The following HSPG2 variants were observed in gnomAD, a reference collection of about 807,000 sequenced individuals.
The protein encoded by HSPG2 is basement membrane-specific heparan sulfate proteoglycan core protein.
In HSPG2, 278 loss-of-function variants were observed where a neutral mutation model predicts 526.6. The observed-to-expected ratio is 0.53, with a 90% CI of 0.48 to 0.58. The LOEUF (loss-of-function observed/expected upper bound fraction) is 0.58. Ranked by LOEUF, HSPG2 falls within the 20% of genes least tolerant of loss-of-function variation. The pLI, the probability that HSPG2 is intolerant of heterozygous loss-of-function variation, is 0.00. For missense variants in HSPG2, 5,354 were observed against 6,099.5 expected (o/e 0.88, Z 4.07); for synonymous variants, 2,465 against 2,555.4 (o/e 0.96, Z 1.07).
At chr1:21,927,982 C>T (rs1172441327) in intron 1 of HSPG2, among the ~76,000 whole-genome samples, 3 of 152,208 alleles carry the variant, frequency 2.0e-5, no homozygotes, top group African/African-American at 2.4e-5. Flanking sequence ...TTAGCAGGAA[C>T]GAGACTTAGT....
chr1:21,855,977 C>T lies in HSPG2; in HGVS notation c.5576-65G>A, dbSNP rs577716295. ...AGTGTCGTCTGACTCACACAACAGTCCTGCTGCCTACTTTCTCTGCTTCCA... is the reference window on the plus strand; with the variant it reads ...AGTGTCGTCTGACTCACACAACAGTTCTGCTGCCTACTTTCTCTGCTTCCA... On this transcript the variant is annotated intron_variant, in intron 44 of 96. Coordinates refer to ENST00000374695, the MANE Select transcript of HSPG2 (RefSeq NM_005529.7). 30 of 1,585,478 alleles carry T rather than the reference C, an allele frequency of 1.9e-5. No individual in the cohort carries two copies. The African/African-American group carries it at 2.4e-4, about 13-fold the overall frequency.
chr1:21,908,118 G>C (rs1171368172), intron 1 of HSPG2: 1 of 815,686 alleles, frequency 1.2e-6, no homozygotes, highest in Non-Finnish European at 2.1e-6. Context: ...CAAAGGGAAA[G>C]AGGAGAGGCA....
Position 21,855,850 on chromosome 1 carries a change from C to G in HSPG2, c.5638G>C (p.Gly1880Arg). The G allele has an allele frequency of 6.2e-7, 1 of 1,612,996 alleles. No individual in the cohort carries two copies. Among genetic ancestry groups the G allele is most frequent in the Non-Finnish European group, 8.5e-7 (1 of 1,179,998 alleles). Reference sequence around the variant, plus strand: ...CTGCAGCGGAACTCCGCCAGTTGCCCGGGCTGCACTGTGAGCTGTGGCGGA... The same window carrying G: ...CTGCAGCGGAACTCCGCCAGTTGCCGGGGCTGCACTGTGAGCTGTGGCGGA... ...IHPPQLTVQP[G>R]QLAEFRCSAT... Residue 1880 changes from glycine (G) to arginine (R), a missense_variant, in exon 45 of 97, where the codon GGG becomes CGG. By Grantham distance (125) the Gly-to-Arg change is moderately radical (BLOSUM62 -2). Transcript: ENST00000374695.
chr1:21,834,928 T>A lies in HSPG2; in HGVS notation c.10471A>T (p.Ile3491Phe), dbSNP rs773889197. Reference protein sequence around the residue: ...LVIQALPSVLINIRTSVQTVV... With the variant: ...LVIQALPSVLFNIRTSVQTVV... ...GTCTGCACAGAGGTCCGGATGTTGA[T>A]GAGCACCGAGGGCAGGGCTGGGGAG... The change falls in exon 77 of 97, where the codon ATC (isoleucine) becomes TTC (phenylalanine). Residue 3491 changes from isoleucine to phenylalanine, a missense_variant. Ile to Phe is a conservative substitution (Grantham distance 21). Coordinates refer to ENST00000374695, the MANE Select transcript of HSPG2 (RefSeq NM_005529.7). 1.2e-6 allele frequency: 2 copies of A among 1,612,804 alleles called. No individual in the cohort carries two copies. Among genetic ancestry groups the A allele is most frequent in the East Asian group, 4.5e-5 (2 of 44,888 alleles).
rs760832004 is a variant in HSPG2, at chr1:21,824,605, C to T, written c.12676G>A (p.Val4226Met). Residue 4226 changes from valine (V) to methionine (M), a missense_variant, in exon 93 of 97, where the codon GTG (valine) becomes ATG (methionine). Transcript: ENST00000374695. This position sits in a 1 kb window ranked among gnomAD's most constrained non-coding sequence, Gnocchi z 5.9. Reference protein sequence around the residue: ...GHVFSRSLPEVPETIELEVRT... With the variant: ...GHVFSRSLPEMPETIELEVRT... ...ACCTCCAGCTCGATGGTCTCGGGCA[C>T]CTCGGGCAGGCTGCGGAGGAAGAGC... 5.3e-5 allele frequency: 85 copies of T among 1,613,970 alleles called. No individual in the cohort carries two copies. The highest frequency in any genetic ancestry group is 6.8e-5 in the Non-Finnish European group (80 of 1,180,054).
intron 1 of HSPG2, among the ~76,000 whole-genome samples, chr1:21,923,791 C>CA (rs1431926907): frequency 2.1e-5 from 3 of 141,082 alleles, no homozygotes; most frequent in Non-Finnish European, 3.1e-5. Flanking sequence ...CATAAGCCCA[C>CA]GGTGGTGTTT....
At chr1:21,885,687 G>A (rs944311350) in intron 9 of HSPG2, among the ~76,000 whole-genome samples, 1 of 151,692 alleles carries the variant, frequency 6.6e-6, no homozygotes. Flanking sequence ...CCCCATGCCA[G>A]TTATGGCTGG....
intron 1 of HSPG2, among the ~76,000 whole-genome samples, chr1:21,907,809 C>A (rs1409093656): frequency 6.6e-6 from 1 of 152,196 alleles, no homozygotes; most frequent in East Asian, 1.9e-4. Context: ...CCACTGTGCC[C>A]GGCTACAAAT....
rs770392408 is a variant in HSPG2, at chr1:21,865,358, T to G, written c.4322A>C (p.Asn1441Thr). 6.2e-7 allele frequency: 1 copy of G among 1,613,856 alleles called. No individual in the cohort carries two copies. The highest frequency in any genetic ancestry group is 2.2e-5 in the East Asian group (1 of 44,866). ...TGGCTGGGAGGCCACTAGCATGATG[T>G]TGTTGCCCTGGAAAGACACCAGCAG... ...SDPDVQITGN[N>T]IMLVASQPAL... Residue 1441 changes from asparagine to threonine, a missense_variant, in exon 35 of 97, where the codon AAC becomes ACC. By Grantham distance (65) the Asn-to-Thr change is moderately conservative. Coordinates refer to ENST00000374695, the MANE Select transcript of HSPG2 (RefSeq NM_005529.7). This position sits in a 1 kb window ranked among gnomAD's most constrained non-coding sequence, Gnocchi z 5.4.
In HSPG2 at chr1:21,844,260, G is replaced by A; in HGVS notation, c.8504C>T (p.Ser2835Phe). The A allele has an allele frequency of 6.2e-7, 1 of 1,613,746 alleles. No individual in the cohort carries two copies. Among genetic ancestry groups the A allele is most frequent in the Middle Eastern group, 1.7e-4 (1 of 6,058 alleles). ...GAPPIRIEPS[S>F]SRVAEGQTLD... The stretch of plus-strand genomic sequence containing the variant: ...GGTCTGCCCTTCTGCCACTCGGGAG[G>A]AGGAGGGCTCGATGCGGATGGGTGG... Residue 2835 changes from serine to phenylalanine, a missense_variant, in exon 65 of 97, where the codon TCC becomes TTC. Physicochemically the swap from Ser to Phe is radical, Grantham distance 155. Coordinates refer to ENST00000374695, the MANE Select transcript of HSPG2 (RefSeq NM_005529.7).
Position 21,890,110 on chromosome 1 carries a change from C to A in HSPG2, c.445G>T (p.Asp149Tyr). 6.2e-7 allele frequency: 1 copy of A among 1,614,048 alleles called. No individual in the cohort carries two copies. The highest frequency in any genetic ancestry group is 8.5e-7 in the Non-Finnish European group (1 of 1,179,964). The change falls in exon 6 of 97, where the codon GAT becomes TAT. Residue 149 changes from aspartate to tyrosine, a missense_variant. Physicochemically the swap from Asp to Tyr is radical, Grantham distance 160. Transcript: ENST00000374695. This position sits in a 1 kb window ranked among gnomAD's most constrained non-coding sequence, Gnocchi z 4.1. ...TCCGCATTCCCTTCCGAGCCCACAT[C>A]CAGCTCCACAAAAACCCAGCCATCC... The part of the protein sequence containing the change: ...ELDGWVFVEL[D>Y]VGSEGNADGA...
In HSPG2 at chr1:21,848,624, C is replaced by G; in HGVS notation, c.7737+19G>C. 2 of 1,612,762 alleles carry G rather than the reference C, an allele frequency of 1.2e-6. No homozygotes were observed. Among genetic ancestry groups the G allele is most frequent in the Non-Finnish European group, 1.7e-6 (2 of 1,179,986 alleles). On this transcript the variant is annotated intron_variant, in intron 59 of 96. Transcript: ENST00000374695. The surrounding 1 kb of genome is among the most constrained non-coding windows in gnomAD (Gnocchi z 4.9). ...CTGGTGTGCCCTGCTTTTGCCCTCC[C>G]CACCTGCTGGCCCTGTACCTGGTGC...
At chr1:21,871,003 G>T in intron 33 of HSPG2, 1 of 403,226 alleles carries the variant, frequency 2.5e-6, no homozygotes, top group Non-Finnish European at 3.4e-6. Context: ...AAGGCAGCCA[G>T]CCCCGGGAGA....
chr1:21,878,378 C>T, intron 20 of HSPG2, 55 bp downstream of exon 20: 1 of 1,582,512 alleles, frequency 6.3e-7, no homozygotes, highest in Non-Finnish European at 8.6e-7. Flanking sequence ...GCCTGGTGTG[C>T]AGCCCAGGTT....
chr1:21,888,701 G>C, intron 6 of HSPG2: 1 of 1,365,616 alleles, frequency 7.3e-7, no homozygotes, highest in South Asian at 1.1e-5. Context: ...GCGGCCGGCG[G>C]GGGTGGGGGG....
At chr1:21,876,829 C>T (rs1229456376) in intron 21 of HSPG2, among the ~76,000 whole-genome samples, 177 bp from the exon 22 acceptor site, 4 of 152,188 alleles carry the variant, frequency 2.6e-5, no homozygotes, top group South Asian at 2.1e-4. Context: ...GAGGCCAAGG[C>T]GGGTGGATCA....
At chr1:21,924,620 G>A (rs1644136011) in intron 1 of HSPG2, among the ~76,000 whole-genome samples, 1 of 152,076 alleles carries the variant, frequency 6.6e-6, no homozygotes, top group African/African-American at 2.4e-5. Flanking sequence ...AGAGATGGTA[G>A]CTGACTGGTG....
chr1:21,891,365 AT>A (rs1259105397), intron 3 of HSPG2, among the ~76,000 whole-genome samples: 1 of 152,164 alleles, frequency 6.6e-6, no homozygotes, highest in African/African-American at 2.4e-5. Context: ...AGTGCATGAC[AT>A]TGTGCTCACA....
chr1:21,868,671 G>A (rs1640421505), intron 33 of HSPG2, among the ~76,000 whole-genome samples: 1 of 150,368 alleles, frequency 6.7e-6, no homozygotes, highest in Non-Finnish European at 1.5e-5. Context: ...CAGGGGTCAG[G>A]GGCCAGGGGT....
Sources: allele counts gnomAD v4.1 joint callset (sites outside exome capture counted in the v4.1 genomes callset), GRCh38; gene constraint gnomAD v4.1.1; non-coding constraint Gnocchi (gnomAD v3.1); transcripts MANE v1.5; gene names NCBI Gene and HGNC (gene_info 2026-07-23, HGNC 2026-07-21).